PSD3: variants seen among roughly 807,000 people sequenced by gnomAD.
PSD3 encodes PH and SEC7 domain-containing protein 3.
Under a neutral mutation model 105.5 loss-of-function variants are expected in PSD3, and 49 were observed. The observed-to-expected ratio is 0.46, with a 90% confidence interval of 0.37 to 0.59. PSD3 has a LOEUF of 0.59. Ranked by LOEUF, PSD3 falls within the 20% of genes least tolerant of loss-of-function variation. The pLI is 0.00. For missense variants in PSD3, 1,561 were observed against 1,263.8 expected, an observed-to-expected ratio of 1.24 and a Z score of -3.57; for synonymous variants, 557 against 457.8, an observed-to-expected ratio of 1.22 and a Z score of -2.77.
chr8:18,799,216 G>C, intron 8 of PSD3, 79 bp downstream of exon 8: 3 of 1,295,246 alleles, frequency 2.3e-6, no homozygotes, highest in Non-Finnish European at 3.4e-6. Flanking sequence ...CGGGGAGGCA[G>C]AAAATAAATG....
chr8:18,750,432 C>T (rs1274199088), intron 9 of PSD3, among the ~76,000 whole-genome samples: 1 of 151,916 alleles, frequency 6.6e-6, no homozygotes, highest in Non-Finnish European at 1.5e-5. Flanking sequence ...CCGGTGGGCT[C>T]GTGGTCTTGC....
intron 2 of PSD3, among the ~76,000 whole-genome samples, chr8:18,890,608 A>C (rs1818725971): frequency 6.6e-6 from 1 of 152,230 alleles, no homozygotes; most frequent in Non-Finnish European, 1.5e-5. Flanking sequence ...GCTCGTTGGG[A>C]AACATACAGT....
intron 1 of PSD3, chr8:19,084,186 C>A (rs1372374277): frequency 2.3e-6 from 1 of 431,540 alleles, no homozygotes; most frequent in South Asian, 1.6e-5. Flanking sequence ...TGCTGGGATT[C>A]AGGACATGCG....
chr8:18,959,168 G>A (rs1179702835), intron 1 of PSD3, among the ~76,000 whole-genome samples: 7 of 152,118 alleles, frequency 4.6e-5, no homozygotes, highest in South Asian at 2.1e-4. Context: ...TGACCCGCCC[G>A]ACTCGGCCTC....
At position 18,707,329 on chromosome 8, in the gene PSD3, G is replaced by A. The variant is rs17127077; in HGVS notation, c.2173-51644C>T. Among the ~76,000 whole-genome samples the A allele has an allele frequency of 6.7e-3, 1,027 of 152,274 alleles. 9 individuals carry two copies. The highest frequency in any genetic ancestry group is 0.024 in the African/African-American group (1,003 of 41,554). On this transcript the variant is annotated intron_variant, in intron 9 of 15. Coordinates refer to ENST00000327040, the MANE Select transcript of PSD3 (RefSeq NM_015310.4). ...TCTAGATGAATATCAGCTCCTTGAA[G>A]TTTTCTATACACAGCCCACAGCAAC...
chr8:18,728,588 G>T (rs1000169784), intron 9 of PSD3, among the ~76,000 whole-genome samples: 2 of 152,146 alleles, frequency 1.3e-5, no homozygotes, highest in African/African-American at 2.4e-5. Flanking sequence ...AAGTTCAGTG[G>T]TTCTGGAGTA....
chr8:19,001,746 A>G lies in PSD3; in HGVS notation c.21+11817T>C, dbSNP rs548142072. On this transcript the variant is annotated intron_variant, in intron 1 of 15. Coordinates refer to ENST00000327040, the MANE Select transcript of PSD3 (RefSeq NM_015310.4). ...TGGTGGAGGCAGCAGCCCCGGGCTC[A>G]GAGAAGGAAGGTATTCAGATGACAG... 5.7e-4 allele frequency: 87 copies of G among 153,232 alleles called. 2 individuals are homozygous for G. Among genetic ancestry groups the G allele is most frequent in the Non-Finnish European group, 1.0e-3 (70 of 68,592 alleles). 9.5% of individuals were successfully genotyped at this position (153,232 alleles called of 1,614,324 possible). A position where few individuals can be genotyped will look rare whatever the true frequency, so the allele number is the denominator to read the frequency against.
At chr8:18,725,782 A>G (rs1803299111) in intron 9 of PSD3, among the ~76,000 whole-genome samples, 1 of 152,230 alleles carries the variant, frequency 6.6e-6, no homozygotes, top group East Asian at 1.9e-4. Flanking sequence ...ACCAAATAAG[A>G]TATAATGCAG....
intron 9 of PSD3, among the ~76,000 whole-genome samples, chr8:18,738,612 T>A (rs570744716): frequency 1.3e-5 from 2 of 152,242 alleles, no homozygotes; most frequent in African/African-American, 4.8e-5. Flanking sequence ...GTGAATTCCA[T>A]CACAGGTTAA....
chr8:18,808,410 T>C (rs1811392535), intron 4 of PSD3, among the ~76,000 whole-genome samples: 2 of 152,342 alleles, frequency 1.3e-5, no homozygotes, highest in Admixed American at 1.3e-4. Flanking sequence ...CTTATTCTAA[T>C]GAGAACACAT....
intron 8 of PSD3, among the ~76,000 whole-genome samples, chr8:18,793,089 ACCGCATGTT>A (rs1809875409): frequency 6.6e-6 from 1 of 152,028 alleles, no homozygotes. Context: ...AAAACCAAAC[ACCGCATGTT>A]CTCACTCATA....
chr8:19,036,593 C>T (rs1220910827), intron 1 of PSD3, among the ~76,000 whole-genome samples: 1 of 152,150 alleles, frequency 6.6e-6, no homozygotes, highest in East Asian at 1.9e-4. Flanking sequence ...TCAGAGAGTG[C>T]TGCAGATGGA....
intron 9 of PSD3, among the ~76,000 whole-genome samples, chr8:18,742,331 T>C (rs1285411999): frequency 6.6e-6 from 1 of 152,136 alleles, no homozygotes; most frequent in African/African-American, 2.4e-5. Context: ...AGACGGGCCT[T>C]AAATTTGCTA....
intron 2 of PSD3, among the ~76,000 whole-genome samples, chr8:18,900,057 A>G (rs553513919): frequency 2.0e-5 from 3 of 152,262 alleles, no homozygotes; most frequent in Admixed American, 6.5e-5. Flanking sequence ...ATTCTTCTCA[A>G]TGATTTTCTT....
intron 9 of PSD3, among the ~76,000 whole-genome samples, chr8:18,692,119 C>T (rs1299954361): frequency 6.6e-6 from 1 of 152,128 alleles, no homozygotes; most frequent in Non-Finnish European, 1.5e-5. Context: ...TAACTGTAAG[C>T]TCTATAGTGC....
At chr8:18,963,964 T>C (rs768857871) in intron 1 of PSD3, among the ~76,000 whole-genome samples, 2 of 152,184 alleles carry the variant, frequency 1.3e-5, no homozygotes, top group Non-Finnish European at 2.9e-5. Flanking sequence ...GTAGGCAGGC[T>C]TTCTTCACGA....
At chr8:18,686,253 T>G (rs975951073) in intron 9 of PSD3, among the ~76,000 whole-genome samples, 1 of 152,218 alleles carries the variant, frequency 6.6e-6, no homozygotes, top group Non-Finnish European at 1.5e-5. Context: ...TCTCTTGTTT[T>G]CACTCTCAAC....
At chr8:18,813,480 A>G (rs1463411305) in intron 4 of PSD3, among the ~76,000 whole-genome samples, 3 of 152,198 alleles carry the variant, frequency 2.0e-5, no homozygotes, top group Admixed American at 2.0e-4. Flanking sequence ...AGCACTCAAC[A>G]TGACCAAAGA....
intron 9 of PSD3, among the ~76,000 whole-genome samples, chr8:18,698,755 G>C (rs1423472026): frequency 6.6e-6 from 1 of 152,126 alleles, no homozygotes; most frequent in Non-Finnish European, 1.5e-5. Flanking sequence ...ATATCTATGT[G>C]GCTTCTTTGT....
Sources: allele counts gnomAD v4.1 joint callset (sites outside exome capture counted in the v4.1 genomes callset), GRCh38; gene constraint gnomAD v4.1.1; transcripts MANE v1.5; gene names NCBI Gene and HGNC (gene_info 2026-07-23, HGNC 2026-07-21).